Variants in MPDZ observed in about 807,000 individuals in gnomAD.
MPDZ encodes the protein multiple PDZ domain crumbs cell polarity complex component.
Under a neutral mutation model 239.1 loss-of-function variants are expected in MPDZ, and 234 were observed. The observed-to-expected ratio is 0.98, with a 90% CI of 0.88 to 1.09. The LOEUF (loss-of-function observed/expected upper bound fraction) is 1.09. Ranked by LOEUF, MPDZ falls within the 50% of genes least tolerant of loss-of-function variation. The pLI is 0.00. For missense variants in MPDZ, 3,175 were observed against 2,510.0 expected (o/e 1.26, Z -5.66); for synonymous variants, 1,048 against 881.3 (o/e 1.19, Z -3.35).
chr9:13,166,686 C>T (rs1951122903), intron 22 of MPDZ, among the ~76,000 whole-genome samples: 1 of 151,984 alleles, frequency 6.6e-6, no homozygotes, highest in Non-Finnish European at 1.5e-5. Context: ...AAAGCAAGTA[C>T]TTATGAAGCT....
At chr9:13,145,116 C>T (rs1481885979) in intron 26 of MPDZ, among the ~76,000 whole-genome samples, 1 of 151,988 alleles carries the variant, frequency 6.6e-6, no homozygotes, top group Non-Finnish European at 1.5e-5. Flanking sequence ...GCCCTGATAG[C>T]AAAGTGTAAA....
chr9:13,113,201 A>AGATCT, intron 41 of MPDZ, 147 bp from the exon 42 acceptor site: 1 of 650,118 alleles, frequency 1.5e-6, no homozygotes, highest in African/African-American at 1.8e-5. Context: ...ACACATGATT[A>AGATCT]GATCTGTCTT....
chr9:13,187,223 T>G (rs1954232308), intron 17 of MPDZ, among the ~76,000 whole-genome samples: 3 of 152,224 alleles, frequency 2.0e-5, no homozygotes, highest in East Asian at 3.9e-4. Context: ...GAGGTATTTA[T>G]CATATGCTGC....
At chr9:13,166,690 T>C (rs1008762981) in intron 22 of MPDZ, among the ~76,000 whole-genome samples, 3 of 152,084 alleles carry the variant, frequency 2.0e-5, no homozygotes, top group Admixed American at 6.6e-5. Context: ...CAAGTACTTA[T>C]GAAGCTAGCT....
intron 19 of MPDZ, among the ~76,000 whole-genome samples, chr9:13,178,944 C>T (rs183626739): frequency 9.7e-4 from 147 of 152,190 alleles, no homozygotes; most frequent in African/African-American, 3.4e-3. Flanking sequence ...TTTATAAATG[C>T]TTTCTTTTAG....
At chr9:13,119,369 G>C in intron 39 of MPDZ, 133 bp downstream of exon 39, 1 of 1,063,568 alleles carries the variant, frequency 9.4e-7, no homozygotes, top group Non-Finnish European at 1.3e-6. Context: ...ATAGGCGTGA[G>C]CCATTGCACC....
chr9:13,250,653 G>A (rs1020416413), intron 1 of MPDZ, among the ~76,000 whole-genome samples: 4 of 152,108 alleles, frequency 2.6e-5, no homozygotes, highest in Non-Finnish European at 5.9e-5. Flanking sequence ...TTTCCATAAA[G>A]AGTTCTCAGT....
intron 1 of MPDZ, among the ~76,000 whole-genome samples, chr9:13,274,003 A>C (rs1973599996): frequency 6.6e-6 from 1 of 152,146 alleles, no homozygotes; most frequent in South Asian, 2.1e-4. Flanking sequence ...AAATCTATTG[A>C]TCAACAGCTG....
chr9:13,145,308 G>A (rs183472556), intron 26 of MPDZ, among the ~76,000 whole-genome samples: 192 of 151,976 alleles, frequency 1.3e-3, no homozygotes, highest in Non-Finnish European at 2.2e-3. Context: ...ACATTCTCTG[G>A]CCCATTCTAA....
chr9:13,195,748 A>G (rs1295776132), intron 13 of MPDZ, among the ~76,000 whole-genome samples: 2 of 152,208 alleles, frequency 1.3e-5, no homozygotes, highest in East Asian at 1.9e-4. Flanking sequence ...AATTCTGTTC[A>G]TAAGTCATGA....
At chr9:13,186,853 A>T (rs1331459939) in intron 17 of MPDZ, among the ~76,000 whole-genome samples, 3 of 152,196 alleles carry the variant, frequency 2.0e-5, no homozygotes, top group African/African-American at 7.2e-5. Flanking sequence ...CCCTTACAAG[A>T]ATATTATTTT....
At chr9:13,260,309 T>C (rs1970385230) in intron 1 of MPDZ, among the ~76,000 whole-genome samples, 1 of 151,736 alleles carries the variant, frequency 6.6e-6, no homozygotes, top group Non-Finnish European at 1.5e-5. Context: ...TAAAGGAAAA[T>C]GGGAGCTAGA....
chr9:13,247,020 T>C (rs894794118), intron 3 of MPDZ, among the ~76,000 whole-genome samples: 3 of 152,212 alleles, frequency 2.0e-5, no homozygotes, highest in African/African-American at 7.2e-5. Flanking sequence ...GCTAGGACTT[T>C]TTAATGCTCA....
intron 1 of MPDZ, among the ~76,000 whole-genome samples, chr9:13,259,962 T>C (rs1042719582): frequency 3.3e-5 from 5 of 151,882 alleles, no homozygotes; most frequent in African/African-American, 1.2e-4. Flanking sequence ...GCCTCCTGAG[T>C]AGCTGAGATT....
At chr9:13,108,100 A>T (rs1056503790) in intron 46 of MPDZ, among the ~76,000 whole-genome samples, 12 of 152,156 alleles carry the variant, frequency 7.9e-5, no homozygotes, top group African/African-American at 2.7e-4. Context: ...ATCCATAAAG[A>T]ACTATACCAC....
intron 12 of MPDZ, among the ~76,000 whole-genome samples, chr9:13,198,751 G>C (rs988763188): frequency 6.8e-5 from 10 of 147,440 alleles, no homozygotes; most frequent in East Asian, 4.0e-4. Flanking sequence ...GTGTGTGTGT[G>C]TGTGTGTGTG....
In MPDZ at chr9:13,205,993, T is replaced by C. The variant is rs1283324708; in HGVS notation, c.1397A>G (p.Gln466Arg). The change falls in exon 11 of 47, where the codon CAG (glutamine) becomes CGG (arginine). Residue 466 changes from glutamine (Q) to arginine (R), a missense_variant. Transcript: ENST00000319217. ...LLTLMRRGMK[Q>R]EAELMSREDV... ...TTCCCTTGACATGAGCTCGGCTTCC[T>C]GCTTCATTCCTCTCCTCATTAGTGT... is the stretch of plus-strand genomic sequence containing the variant. 8 of 1,612,488 alleles carry C rather than the reference T, an allele frequency of 5.0e-6. No homozygotes were observed. The highest frequency in any genetic ancestry group is 1.3e-5 in the African/African-American group (1 of 74,836).
chr9:13,177,804 G>A (rs1334545034), intron 19 of MPDZ, among the ~76,000 whole-genome samples: 3 of 152,114 alleles, frequency 2.0e-5, no homozygotes, highest in Non-Finnish European at 2.9e-5. Flanking sequence ...GGAGGACAGA[G>A]AGTATTCATA....
intron 3 of MPDZ, among the ~76,000 whole-genome samples, chr9:13,236,243 G>GTATATATATATATATATATATATATA (rs1564099447): frequency 2.3e-4 from 1 of 4,338 alleles, no homozygotes. Context: ...ATATGTGTGT[G>GTATATATATATATATATATATATATA]TGTGTGTATA....
Sources: gnomAD v4.1 joint callset for allele counts (sites outside exome capture counted in the v4.1 genomes callset) on GRCh38, gnomAD v4.1.1 for gene constraint, MANE v1.5 for transcripts, NCBI Gene and HGNC (gene_info 2026-07-23, HGNC 2026-07-21) for gene names.